The following TMEM120A variants were observed in gnomAD, a reference collection of about 807,000 sequenced individuals.
TMEM120A encodes the protein ion channel TACAN.
A neutral mutation model predicts 54.3 loss-of-function variants in TMEM120A; 45 were observed. That is an observed-to-expected ratio of 0.83 (90% CI 0.65 to 1.06). TMEM120A has a LOEUF of 1.06. Among genes scored for constraint, TMEM120A ranks in the 50% least tolerant of loss-of-function variants. The pLI is 0.00. For synonymous variants in TMEM120A, 204 were observed against 178.5 expected (o/e 1.14, Z -1.14); for missense variants, 424 against 441.7 (o/e 0.96, Z 0.36).
At chr7:75,990,014 GAC>G (rs1390276497) in intron 3 of TMEM120A, among the ~76,000 whole-genome samples, 1 of 152,144 alleles carries the variant, frequency 6.6e-6, no homozygotes, top group Non-Finnish European at 1.5e-5. Flanking sequence ...AAGCCAAACA[GAC>G]AGAGGCTCAG....
chr7:75,989,516 G>A (rs896384187), intron 3 of TMEM120A, among the ~76,000 whole-genome samples: 3 of 145,728 alleles, frequency 2.1e-5, no homozygotes, highest in East Asian at 4.1e-4. Flanking sequence ...AAGAGAACCC[G>A]GCTCTCCCTC....
chr7:75,987,153 G>T lies in TMEM120A; in HGVS notation c.*19C>A. 6.4e-7 allele frequency: 1 copy of T among 1,573,100 alleles called. No homozygotes were observed. ...CACAGGACAGAAGCCCCTCTGGGCC[G>T]GCAGGGGAAGGCCCAGCCTCAATCC... On this transcript the variant is annotated 3_prime_UTR_variant, in exon 12 of 12. Transcript: ENST00000493111.
At chr7:75,993,546 G>C (rs553554867) in intron 1 of TMEM120A, among the ~76,000 whole-genome samples, 145 of 152,368 alleles carry the variant, frequency 9.5e-4, no homozygotes, top group Non-Finnish European at 1.7e-3. Context: ...GGTCTGCTCA[G>C]TCTCTGGGGA....
rs1034293383 is a variant in TMEM120A, at chr7:75,987,107, C to T, written c.*65G>A. 23 of 1,370,866 alleles carry T rather than the reference C, an allele frequency of 1.7e-5. No individual in the cohort carries two copies. In the Admixed American group the frequency reaches 2.4e-4, roughly 14 times the overall value. 84.9% of individuals were successfully genotyped at this position (1,370,866 alleles called of 1,614,324 possible). A position where few individuals can be genotyped will look rare whatever the true frequency, so the allele number is the denominator to read the frequency against. ...TGATACACGCACACTCGAGGGGCGC[C>T]TCCCATCCCCTCCCACAACACACAG... On this transcript the variant is annotated 3_prime_UTR_variant, in exon 12 of 12. Transcript: ENST00000493111.
rs782756092 is a variant in TMEM120A at position 75,992,192 on chromosome 7, C to G, written c.269G>C (p.Arg90Pro). 6.2e-7 allele frequency: 1 copy of G among 1,612,186 alleles called. No individual in the cohort carries two copies. The highest frequency in any genetic ancestry group is 1.3e-5 in the African/African-American group (1 of 75,022). Residue 90 changes from arginine to proline, a missense_variant, in exon 3 of 12, where the codon CGC (arginine) becomes CCC (proline). Arg to Pro is a moderately radical substitution (Grantham distance 103). Transcript: ENST00000493111. ...AQELENQMKE[R>P]QGLFFDMEAY... ...CTCCATGTCAAAGAAGAGGCCTTGG[C>G]GCTCTTTCATCTGGTTCTCCAGCTC...
intron 1 of TMEM120A, 63 bp downstream of exon 1, chr7:75,994,426 AC>A: frequency 6.8e-7 from 1 of 1,460,624 alleles, no homozygotes; most frequent in African/African-American, 1.4e-5. Flanking sequence ...GGGCTGCCCG[AC>A]CCTTGACCCT....
rs116526655 is a variant in TMEM120A, at chr7:75,987,352, C to A, written c.918+8G>T. 1.3e-6 allele frequency: 2 copies of A among 1,560,428 alleles called. No homozygotes were observed. The highest frequency in any genetic ancestry group is 2.4e-5 in the East Asian group (1 of 41,390). Reference sequence around the variant, plus strand: ...CCCCATCCATCCTGTCCAGGGACCCCGGCTCACCTGCCACTCCTTGCACTG... The same window carrying A: ...CCCCATCCATCCTGTCCAGGGACCCAGGCTCACCTGCCACTCCTTGCACTG... On this transcript the variant is annotated splice_region_variant and intron_variant, in intron 11 of 11. Coordinates refer to ENST00000493111, the MANE Select transcript of TMEM120A (RefSeq NM_031925.3).
intron 3 of TMEM120A, 88 bp from the exon 4 acceptor site, chr7:75,989,312 G>GCCACCACC: frequency 1.1e-6 from 1 of 874,110 alleles, no homozygotes. Flanking sequence ...CAGAGCCTGG[G>GCCACCACC]CCACCACCCC....
In TMEM120A at chr7:75,992,341, CAG is replaced by C. The variant is rs1387571326; in HGVS notation, c.201-83_201-82del. 1.9e-6 allele frequency: 3 copies of C among 1,556,988 alleles called. No individual in the cohort carries two copies. In the African/African-American group the frequency reaches 4.1e-5, roughly 21 times the overall value. On this transcript the variant is annotated intron_variant, in intron 2 of 11. Transcript: ENST00000493111. The stretch of plus-strand genomic sequence containing the variant: ...ACTCCCACAGGGGCAGAAGGGCAAA[CAG>C]GGCCCAGAGAGGGGAGGGGCGGTGC...
chr7:75,989,455 T>G (rs550243423), intron 3 of TMEM120A, among the ~76,000 whole-genome samples: 4 of 149,230 alleles, frequency 2.7e-5, no homozygotes, highest in South Asian at 2.2e-4. Flanking sequence ...GGAAACAGTG[T>G]TCCCCCCCAT....
chr7:75,989,857 T>C (rs1198399561), intron 3 of TMEM120A, among the ~76,000 whole-genome samples: 2 of 152,008 alleles, frequency 1.3e-5, no homozygotes, highest in African/African-American at 4.8e-5. Context: ...CACCACTTTT[T>C]TGCCAATCCC....
At chr7:75,993,181 A>G (rs1789917216) in intron 1 of TMEM120A, among the ~76,000 whole-genome samples, 1 of 151,946 alleles carries the variant, frequency 6.6e-6, no homozygotes, top group South Asian at 2.1e-4. Flanking sequence ...TTGAGTCTGG[A>G]GCTTAGGCCC....
Position 75,987,022 on chromosome 7 carries a change from A to C in TMEM120A, c.*150T>G, listed in dbSNP as rs373165418. ...TCTCTTTATTGAGGGCACTGGGCCC[A>C]GGTCTTCCTTCAGGGCCCACAGCGC... On this transcript the variant is annotated 3_prime_UTR_variant, in exon 12 of 12. Coordinates refer to ENST00000493111, the MANE Select transcript of TMEM120A (RefSeq NM_031925.3). The C allele has an allele frequency of 4.3e-5, 29 of 678,238 alleles. No homozygotes were observed. Among genetic ancestry groups the C allele is most frequent in the South Asian group, 3.5e-4 (19 of 53,896 alleles). 42.0% of individuals were successfully genotyped at this position (678,238 alleles called of 1,614,324 possible). A position where few individuals can be genotyped will look rare whatever the true frequency, so the allele number is the denominator to read the frequency against.
At position 75,994,591 on chromosome 7, in the gene TMEM120A, GT is replaced by G; in HGVS notation, c.-22del. On this transcript the variant is annotated 5_prime_UTR_variant, in exon 1 of 12. Coordinates refer to ENST00000493111, the MANE Select transcript of TMEM120A (RefSeq NM_031925.3). Reference sequence around the variant, plus strand: ...TGCATGGCTGCAGCGCCAGTAGCCAGTAGTGGAGGACGGCGCAGCAACCCCG... The same window carrying G: ...TGCATGGCTGCAGCGCCAGTAGCCAGAGTGGAGGACGGCGCAGCAACCCCG... The G allele has an allele frequency of 6.6e-7, 1 of 1,514,082 alleles. No individual in the cohort carries two copies. The highest frequency in any genetic ancestry group is 8.9e-7 in the Non-Finnish European group (1 of 1,128,544). The allele number at this position is 1,514,082 out of a possible 1,614,324, so 93.8% of individuals were successfully genotyped here.
intron 3 of TMEM120A, among the ~76,000 whole-genome samples, chr7:75,991,734 A>T (rs971513578): frequency 1.3e-5 from 2 of 152,072 alleles, no homozygotes; most frequent in Non-Finnish European, 2.9e-5. Context: ...ATAGAGACAT[A>T]GGGTCTCAGT....
At chr7:75,992,352 G>T in intron 2 of TMEM120A, 87 bp downstream of exon 2, 1 of 1,549,762 alleles carries the variant, frequency 6.5e-7, no homozygotes, top group South Asian at 1.2e-5. Context: ...AGGGCCCAGA[G>T]AGGGGAGGGG....
chr7:75,990,816 T>C (rs1789814218), intron 3 of TMEM120A, among the ~76,000 whole-genome samples: 1 of 150,578 alleles, frequency 6.6e-6, no homozygotes, highest in South Asian at 2.1e-4. Context: ...GGAGAATCGC[T>C]TGAACCACGG....
chr7:75,991,927 C>T (rs139543495), intron 3 of TMEM120A, among the ~76,000 whole-genome samples: 5 of 151,830 alleles, frequency 3.3e-5, no homozygotes, highest in African/African-American at 1.2e-4. Flanking sequence ...GTCAGGTGTC[C>T]CTCACTGTGC....
At chr7:75,987,688 G>A (rs1554560256) in intron 9 of TMEM120A, 30 bp downstream of exon 9, 2 of 1,609,932 alleles carry the variant, frequency 1.2e-6, no homozygotes, top group Middle Eastern at 1.7e-4. Flanking sequence ...AAAGGGGAAT[G>A]TCCAGATGCC....
Sources: gnomAD v4.1 joint callset for allele counts (sites outside exome capture counted in the v4.1 genomes callset) on GRCh38, gnomAD v4.1.1 for gene constraint, MANE v1.5 for transcripts, NCBI Gene and HGNC (gene_info 2026-07-23, HGNC 2026-07-21) for gene names.